Variants in LRP2 observed in about 807,000 individuals in gnomAD.
LRP2 encodes LDL receptor related protein 2, also known as low-density lipoprotein receptor-related protein 2.
LRP2 carries 172 observed loss-of-function variants against 531.0 expected under a neutral mutation model. That is an observed-to-expected ratio of 0.32 (90% CI 0.29 to 0.37). The LOEUF (loss-of-function observed/expected upper bound fraction) is 0.37, where lower values mean the gene tolerates loss of function less well. Ranked by LOEUF, LRP2 falls within the 10% of genes least tolerant of loss-of-function variation. The probability of loss-of-function intolerance (pLI) is 1.00; values close to 1 mark genes in which losing one functional copy is unlikely to be tolerated. For synonymous variants in LRP2, 1,992 were observed against 2,027.6 expected (o/e 0.98, Z 0.47); for missense variants, 5,167 against 5,868.3 (o/e 0.88, Z 3.90).
chr2:169,272,482 G>A (rs1448477377), intron 15 of LRP2, among the ~76,000 whole-genome samples: 3 of 152,086 alleles, frequency 2.0e-5, no homozygotes, highest in East Asian at 1.9e-4. Flanking sequence ...TGGTTGAAAG[G>A]GGCATACGTG....
chr2:169,138,621 A>G lies in LRP2; in HGVS notation c.13474T>C (p.Ser4492Pro), dbSNP rs746260412. Residue 4492 changes from serine to proline, a missense_variant, in exon 75 of 79, where the codon TCT becomes CCT. Coordinates refer to ENST00000649046, the MANE Select transcript of LRP2 (RefSeq NM_004525.3). Reference sequence around the variant, plus strand: ...ATAGCAGTCTCAGGTCCAAAACCAGACACTCCAATATCCATGTTAAGATCT... The same window carrying G: ...ATAGCAGTCTCAGGTCCAAAACCAGGCACTCCAATATCCATGTTAAGATCT... ...GADLNMDIGV[S>P]GFGPETAIDR... 1 of 1,614,076 alleles carries G rather than the reference A, an allele frequency of 6.2e-7. No individual in the cohort carries two copies. The highest frequency in any genetic ancestry group is 8.5e-7 in the Non-Finnish European group (1 of 1,179,940).
At chr2:169,215,147 A>T (rs965126023) in intron 35 of LRP2, among the ~76,000 whole-genome samples, 1 of 152,188 alleles carries the variant, frequency 6.6e-6, no homozygotes, top group Non-Finnish European at 1.5e-5. Flanking sequence ...ACTTCTTTTT[A>T]ATCTCCAAAG....
intron 55 of LRP2, among the ~76,000 whole-genome samples, chr2:169,174,836 T>C (rs1161666130): frequency 1.5e-5 from 2 of 132,128 alleles, no homozygotes; most frequent in Non-Finnish European, 3.3e-5. Flanking sequence ...GCCTTTTAAA[T>C]GGAAACATAA....
At position 169,161,540 on chromosome 2, in the gene LRP2, A is replaced by G. The variant is rs538444955; in HGVS notation, c.11887+932T>C. Among the ~76,000 whole-genome samples the G allele has an allele frequency of 5.3e-5, 8 of 152,246 alleles. No individual in the cohort carries two copies. The East Asian group carries it at 1.5e-3, about 29-fold the overall frequency. ...TGCCCAGGCTGGAGTACAGTGGCAC[A>G]ATCACAGCTCACTGCAGCCCCTACC... is the stretch of plus-strand genomic sequence containing the variant. On this transcript the variant is annotated intron_variant, in intron 63 of 78. Coordinates refer to ENST00000649046, the MANE Select transcript of LRP2 (RefSeq NM_004525.3).
intron 24 of LRP2, 151 bp from the exon 25 acceptor site, chr2:169,241,516 T>TGTGGGAGAAGA: frequency 1.2e-6 from 1 of 846,364 alleles, no homozygotes; most frequent in Non-Finnish European, 1.9e-6. Context: ...TGATATAGAG[T>TGTGGGAGAAGA]CTTCTCCCAC....
At chr2:169,315,037 T>C (rs1398763875) in intron 3 of LRP2, among the ~76,000 whole-genome samples, 1 of 152,224 alleles carries the variant, frequency 6.6e-6, no homozygotes, top group Admixed American at 6.5e-5. Context: ...CAAATAATTC[T>C]AAATGTTGTG....
At chr2:169,164,466 G>A (rs1219221348) in intron 62 of LRP2, among the ~76,000 whole-genome samples, 1 of 152,186 alleles carries the variant, frequency 6.6e-6, no homozygotes, top group Non-Finnish European at 1.5e-5. Flanking sequence ...GCATATTCTT[G>A]CATTTTCCAG....
At chr2:169,245,882 A>AT (rs1689986976) in intron 21 of LRP2, among the ~76,000 whole-genome samples, 1 of 151,926 alleles carries the variant, frequency 6.6e-6, no homozygotes, top group Admixed American at 6.6e-5. Context: ...TTGTTTGCTT[A>AT]TTTTTTTGAG....
chr2:169,242,607 A>AGAAACCAGTAAAAACTTCTCT (rs1689848900), intron 24 of LRP2, among the ~76,000 whole-genome samples: 1 of 152,226 alleles, frequency 6.6e-6, no homozygotes, highest in Non-Finnish European at 1.5e-5. Flanking sequence ...CTGAAACTTA[A>AGAAACCAGTAAAAACTTCTCT]AAGAAACCAG....
chr2:169,283,053 G>A (rs1314288241), intron 9 of LRP2, 52 bp from the exon 10 acceptor site: 7 of 1,599,456 alleles, frequency 4.4e-6, no homozygotes, highest in South Asian at 1.1e-5. Context: ...CATTTATTAA[G>A]CACTCTCTGA....
In LRP2 at chr2:169,231,917, A is replaced by G. The variant is rs1689420110; in HGVS notation, c.5099-75T>C. 7 of 1,569,596 alleles carry G rather than the reference A, an allele frequency of 4.5e-6. No individual in the cohort carries two copies. The Admixed American group carries it at 1.3e-4, about 28-fold the overall frequency. ...AAAATCAAAACAGAGTCATGCTCTT[A>G]GTGTCCTTCCAGAGGCCCCAGTACA... On this transcript the variant is annotated intron_variant, in intron 30 of 78. Transcript: ENST00000649046.
Position 169,175,254 on chromosome 2 carries a change from C to T in LRP2, c.10707G>A (p.Gln3569=), listed in dbSNP as rs753308465. 3.1e-6 allele frequency: 5 copies of T among 1,614,190 alleles called. No homozygotes were observed. The highest frequency in any genetic ancestry group is 8.5e-7 in the Non-Finnish European group (1 of 1,180,034). The part of the protein sequence containing the change: ...QCSDGNCTSP[Q]TLCNAHQNCP... ...AATTTTGGTGAGCATTGCATAAAGTCTGCGGGCTGGTGCAGTTGCCGTCAC... is the reference window on the plus strand; with the variant it reads ...AATTTTGGTGAGCATTGCATAAAGTTTGCGGGCTGGTGCAGTTGCCGTCAC... Residue 3569 remains glutamine, a synonymous_variant, in exon 55 of 79, where the codon CAG becomes CAA. Coordinates refer to ENST00000649046, the MANE Select transcript of LRP2 (RefSeq NM_004525.3).
At position 169,205,616 on chromosome 2, in the gene LRP2, C is replaced by G. The variant is rs1688349984; in HGVS notation, c.7578G>C (p.Trp2526Cys). Residue 2526 changes from tryptophan (W) to cysteine (C), a missense_variant, in exon 41 of 79, where the codon TGG (tryptophan) becomes TGC (cysteine). Physicochemically the swap from Trp to Cys is radical, Grantham distance 215. This residue lies in a region of LRP2 where 1,129 missense variants were observed against 1,362.7 expected (regional missense o/e 0.83). Coordinates refer to ENST00000649046, the MANE Select transcript of LRP2 (RefSeq NM_004525.3). ...CTCTCTCGATTTTGGCATGTGTATC[C>G]CAGTCAGCCCAGTACAGGTACCTAG... is the stretch of plus-strand genomic sequence containing the variant. ...PCQGYLYWAD[W>C]DTHAKIERAT... is the part of the protein sequence containing the mutation. The G allele has an allele frequency of 1.2e-6, 2 of 1,613,842 alleles. No homozygotes were observed. Among genetic ancestry groups the G allele is most frequent in the Non-Finnish European group, 1.7e-6 (2 of 1,179,988 alleles).
At chr2:169,360,361 A>G (rs1010773907) in intron 1 of LRP2, among the ~76,000 whole-genome samples, 1 of 152,196 alleles carries the variant, frequency 6.6e-6, no homozygotes, top group Non-Finnish European at 1.5e-5. Flanking sequence ...CAATAAGTAT[A>G]AAGTGCTTAG....
At chr2:169,245,338 A>G (rs543021569) in intron 21 of LRP2, among the ~76,000 whole-genome samples, 1 of 152,186 alleles carries the variant, frequency 6.6e-6, no homozygotes, top group Non-Finnish European at 1.5e-5. Flanking sequence ...TCCAACCACA[A>G]TTTCAAATTC....
In LRP2 at chr2:169,172,109, C is replaced by A; in HGVS notation, c.11169G>T (p.Gly3723=). 1 of 1,614,150 alleles carries A rather than the reference C, an allele frequency of 6.2e-7. No individual in the cohort carries two copies. The highest frequency in any genetic ancestry group is 8.5e-7 in the Non-Finnish European group (1 of 1,180,020). ...AGTGGTGATTTTTACAGCGGAAATC[C>A]CCCACAGGATGGCATGTCCTCTCCT... The part of the protein sequence containing the change: ...GCEERTCHPV[G]DFRCKNHHCI... The change falls in exon 58 of 79, where the codon GGG becomes GGT. Residue 3723 remains glycine (G), a synonymous_variant. Coordinates refer to ENST00000649046, the MANE Select transcript of LRP2 (RefSeq NM_004525.3).
At chr2:169,179,219 C>T (rs1246500142) in intron 52 of LRP2, among the ~76,000 whole-genome samples, 1 of 152,012 alleles carries the variant, frequency 6.6e-6, no homozygotes, top group East Asian at 1.9e-4. Flanking sequence ...GTTGCCCAAG[C>T]TGGTCTTGAA....
At chr2:169,316,277 G>A (rs1684761358) in intron 3 of LRP2, among the ~76,000 whole-genome samples, 1 of 152,170 alleles carries the variant, frequency 6.6e-6, no homozygotes, top group South Asian at 2.1e-4. Flanking sequence ...AAAGAGGAAG[G>A]AATCAAGAAT....
At chr2:169,165,862 G>C in intron 62 of LRP2, 70 bp downstream of exon 62, 1 of 1,590,004 alleles carries the variant, frequency 6.3e-7, no homozygotes, top group South Asian at 1.1e-5. Context: ...AAATCCCAGA[G>C]GCACATTTTC....
Sources: allele counts gnomAD v4.1 joint callset (sites outside exome capture counted in the v4.1 genomes callset), GRCh38; gene constraint gnomAD v4.1.1; regional missense constraint gnomAD v4.1.1; transcripts MANE v1.5; gene names NCBI Gene and HGNC (gene_info 2026-07-23, HGNC 2026-07-21).